Variants in TRDN observed in about 807,000 individuals in gnomAD.
The protein encoded by TRDN is triadin.
A neutral mutation model predicts 149.7 loss-of-function variants in TRDN; 161 were observed. The observed-to-expected ratio is 1.08, with a 90% CI of 0.95 to 1.23. The LOEUF (loss-of-function observed/expected upper bound fraction) is 1.23, where lower values mean the gene tolerates loss of function less well. TRDN is among the 50% of genes most tolerant of loss of function. The probability of loss-of-function intolerance (pLI) is 0.00; values close to 1 mark genes in which losing one functional copy is unlikely to be tolerated. For missense variants in TRDN, 896 were observed against 823.5 expected (o/e 1.09, Z -1.08); for synonymous variants, 294 against 250.5 (o/e 1.17, Z -1.64).
At chr6:123,524,996 C>T (rs767561161) in intron 5 of TRDN, among the ~76,000 whole-genome samples, 3 of 152,022 alleles carry the variant, frequency 2.0e-5, no homozygotes, top group African/African-American at 2.4e-5. Flanking sequence ...CAACTCACAA[C>T]CACATTGAGA....
intron 26 of TRDN, among the ~76,000 whole-genome samples, chr6:123,276,766 G>C (rs890317032): frequency 1.3e-5 from 2 of 152,120 alleles, no homozygotes; most frequent in East Asian, 3.9e-4. Flanking sequence ...TCAGGTTTTC[G>C]AGAATTTTAA....
intron 1 of TRDN, among the ~76,000 whole-genome samples, chr6:123,606,425 T>C (rs1187538086): frequency 6.6e-6 from 1 of 152,126 alleles, no homozygotes; most frequent in East Asian, 1.9e-4. Context: ...AGATTTTGTG[T>C]GTGTATGTGT....
chr6:123,573,418 T>A (rs1284693382), intron 1 of TRDN, among the ~76,000 whole-genome samples: 10 of 152,086 alleles, frequency 6.6e-5, no homozygotes, highest in Admixed American at 6.6e-4. Flanking sequence ...ATCACCTTCA[T>A]TGCTACCAGC....
At chr6:123,277,464 T>G (rs1281949643) in intron 26 of TRDN, among the ~76,000 whole-genome samples, 1 of 152,110 alleles carries the variant, frequency 6.6e-6, no homozygotes, top group African/African-American at 2.4e-5. Context: ...TGTTTGTAAA[T>G]AGGGTTATTG....
intron 29 of TRDN, among the ~76,000 whole-genome samples, 154 bp from the exon 30 acceptor site, chr6:123,271,340 G>A (rs1212504289): frequency 6.6e-5 from 10 of 151,912 alleles, no homozygotes. Flanking sequence ...ATTCAAATTG[G>A]ATGAAAGCAC....
rs112407401 is a variant in TRDN, at chr6:123,389,667, T to C, written c.1106-1116A>G. Among the ~76,000 whole-genome samples, 750 of 152,348 alleles carry C rather than the reference T, an allele frequency of 4.9e-3. 4 individuals carry two copies. Among genetic ancestry groups the C allele is most frequent in the African/African-American group, 0.017 (705 of 41,586 alleles). On this transcript the variant is annotated intron_variant, in intron 13 of 40. Transcript: ENST00000334268. ...AGGTTATTTTTCTCTATTTTCTAAATGTTATTGACGTGCTATTACTTTTGT... is the reference window on the plus strand; with the variant it reads ...AGGTTATTTTTCTCTATTTTCTAAACGTTATTGACGTGCTATTACTTTTGT...
At chr6:123,532,176 T>C (rs1404580552) in intron 4 of TRDN, among the ~76,000 whole-genome samples, 18 of 152,080 alleles carry the variant, frequency 1.2e-4, no homozygotes, top group Admixed American at 2.6e-4. Flanking sequence ...GTATAAAATA[T>C]ACACTAGATT....
At chr6:123,466,202 A>G (rs914223290) in intron 9 of TRDN, among the ~76,000 whole-genome samples, 1 of 152,250 alleles carries the variant, frequency 6.6e-6, no homozygotes, top group Non-Finnish European at 1.5e-5. Flanking sequence ...TAAACATAAT[A>G]TAACATGGAA....
chr6:123,271,357 A>T (rs1777200523), intron 29 of TRDN, among the ~76,000 whole-genome samples, 171 bp from the exon 30 acceptor site: 1 of 151,950 alleles, frequency 6.6e-6, no homozygotes, highest in African/African-American at 2.4e-5. Flanking sequence ...GCACAAAGAA[A>T]ATCTGTCCAG....
At chr6:123,541,275 C>T (rs1444501071) in intron 4 of TRDN, among the ~76,000 whole-genome samples, 1 of 152,142 alleles carries the variant, frequency 6.6e-6, no homozygotes, top group Non-Finnish European at 1.5e-5. Flanking sequence ...CTCTTGCTTT[C>T]CTTGGCCTAT....
chr6:123,583,933 T>A (rs1783270993), intron 1 of TRDN: 1 of 266,082 alleles, frequency 3.8e-6, no homozygotes, highest in African/African-American at 2.3e-5. Flanking sequence ...TGAGGATAGA[T>A]TTCCACGATG....
chr6:123,633,046 G>C (rs998232896), intron 1 of TRDN, among the ~76,000 whole-genome samples: 13 of 152,040 alleles, frequency 8.6e-5, no homozygotes, highest in Admixed American at 6.6e-4. Context: ...TCCACACATA[G>C]TGCAATAATT....
At chr6:123,618,492 G>A (rs1169799530) in intron 1 of TRDN, among the ~76,000 whole-genome samples, 1 of 152,062 alleles carries the variant, frequency 6.6e-6, no homozygotes, top group Non-Finnish European at 1.5e-5. Flanking sequence ...CCCGCTCGAG[G>A]TTCTTAATAA....
chr6:123,301,776 T>TATATATATACATATATATATATATAC (rs1778434265), intron 24 of TRDN, among the ~76,000 whole-genome samples: 2 of 139,852 alleles, frequency 1.4e-5, no homozygotes, highest in Non-Finnish European at 3.1e-5. Context: ...TATACATATA[T>TATATATATACATATATATATATATAC]ATATATATAT....
intron 12 of TRDN, among the ~76,000 whole-genome samples, chr6:123,397,131 C>A (rs1364767617): frequency 2.0e-5 from 3 of 151,880 alleles, no homozygotes; most frequent in African/African-American, 7.2e-5. Context: ...AGACAATAAA[C>A]AATGTTATTC....
intron 4 of TRDN, among the ~76,000 whole-genome samples, chr6:123,536,049 T>C (rs1374613468): frequency 3.3e-5 from 5 of 152,112 alleles, no homozygotes; most frequent in Admixed American, 1.3e-4. Context: ...CATTTCCTCA[T>C]CCATAAAATA....
At chr6:123,414,943 T>A (rs1255552263) in intron 12 of TRDN, among the ~76,000 whole-genome samples, 1 of 152,158 alleles carries the variant, frequency 6.6e-6, no homozygotes, top group Non-Finnish European at 1.5e-5. Context: ...ATTACATGAA[T>A]AAGAAGTAAA....
intron 6 of TRDN, among the ~76,000 whole-genome samples, chr6:123,514,995 G>T (rs1779352870): frequency 6.6e-6 from 1 of 151,934 alleles, no homozygotes; most frequent in South Asian, 2.1e-4. Flanking sequence ...TTAAAACCTA[G>T]ATGACAGGTT....
At chr6:123,438,571 C>A (rs922625205) in intron 11 of TRDN, among the ~76,000 whole-genome samples, 5 of 151,892 alleles carry the variant, frequency 3.3e-5, no homozygotes, top group Non-Finnish European at 5.9e-5. Flanking sequence ...TAAAACAAAC[C>A]AATCAAGTAT....
Sources: allele counts gnomAD v4.1 joint callset (sites outside exome capture counted in the v4.1 genomes callset), GRCh38; gene constraint gnomAD v4.1.1; transcripts MANE v1.5; gene names NCBI Gene and HGNC (gene_info 2026-07-23, HGNC 2026-07-21).